The following SGCG variants were observed in gnomAD, a reference collection of about 807,000 sequenced individuals.
SGCG encodes gamma-sarcoglycan.
In SGCG, 26 loss-of-function variants were observed where a neutral mutation model predicts 29.3. That is an observed-to-expected ratio of 0.89 (90% CI 0.65 to 1.23). SGCG has a LOEUF of 1.23. Among genes scored for constraint, SGCG ranks in the 50% most tolerant of loss-of-function variants. The pLI is 0.00. For missense variants in SGCG, 353 were observed against 356.0 expected (o/e 0.99, Z 0.07); for synonymous variants, 145 against 129.7 (o/e 1.12, Z -0.80).
chr13:23,189,685 A>C (rs1378541292), intron 1 of SGCG, among the ~76,000 whole-genome samples: 3 of 152,156 alleles, frequency 2.0e-5, no homozygotes, highest in Non-Finnish European at 4.4e-5. Context: ...AACAGAGAAA[A>C]CTATCACCTT....
At chr13:23,190,273 TTGATA>T (rs749354596) in intron 1 of SGCG, among the ~76,000 whole-genome samples, 5 of 152,156 alleles carry the variant, frequency 3.3e-5, no homozygotes, top group Admixed American at 6.5e-5. Context: ...TTCTTCTGAC[TTGATA>T]TGAGTAACGT....
chr13:23,194,019 C>T (rs1877387687), intron 1 of SGCG, among the ~76,000 whole-genome samples: 1 of 151,766 alleles, frequency 6.6e-6, no homozygotes, highest in Admixed American at 6.6e-5. Context: ...CCAACCATTT[C>T]AAATAAAATG....
intron 5 of SGCG, among the ~76,000 whole-genome samples, chr13:23,292,411 C>T (rs188931648): frequency 4.6e-5 from 7 of 152,130 alleles, no homozygotes; most frequent in African/African-American, 1.7e-4. Flanking sequence ...CGCCCACCGA[C>T]GTTTCTCTTT....
chr13:23,288,573 T>C (rs1881588773), intron 5 of SGCG, among the ~76,000 whole-genome samples: 1 of 152,222 alleles, frequency 6.6e-6, no homozygotes, highest in Non-Finnish European at 1.5e-5. Context: ...ATGGAAGCGA[T>C]TAAACAATTT....
chr13:23,257,632 C>T (rs1880250091), intron 4 of SGCG, among the ~76,000 whole-genome samples: 1 of 152,148 alleles, frequency 6.6e-6, no homozygotes, highest in Non-Finnish European at 1.5e-5. Context: ...ATGCCTATGT[C>T]CTGAATGTTA....
intron 6 of SGCG, among the ~76,000 whole-genome samples, chr13:23,317,469 C>T (rs1012218551): frequency 6.6e-6 from 1 of 152,124 alleles, no homozygotes; most frequent in African/African-American, 2.4e-5. Context: ...AGAAGGTAGT[C>T]ATCAATACCA....
At chr13:23,282,170 T>C (rs889950112) in intron 5 of SGCG, among the ~76,000 whole-genome samples, 1 of 152,152 alleles carries the variant, frequency 6.6e-6, no homozygotes, top group African/African-American at 2.4e-5. Flanking sequence ...CCATAACTCT[T>C]CTCAATTTTC....
At chr13:23,279,126 A>T (rs1380214977) in intron 4 of SGCG, among the ~76,000 whole-genome samples, 2 of 152,252 alleles carry the variant, frequency 1.3e-5, no homozygotes, top group Non-Finnish European at 2.9e-5. Flanking sequence ...ATGTATTTGT[A>T]CATATATTGA....
intron 4 of SGCG, among the ~76,000 whole-genome samples, chr13:23,256,534 C>A (rs1880186322): frequency 6.6e-6 from 1 of 152,058 alleles, no homozygotes; most frequent in Non-Finnish European, 1.5e-5. Flanking sequence ...CCCCATTCCC[C>A]CACCCCACGA....
At chr13:23,180,396 A>C (rs1191002127), upstream of SGCG, among the ~76,000 whole-genome samples, 2 of 152,166 alleles carry the variant, frequency 1.3e-5, no homozygotes, top group African/African-American at 4.8e-5. Context: ...TAACATGCAG[A>C]GTTTGTTTAC....
chr13:23,211,855 T>C (rs1158515537), intron 2 of SGCG, among the ~76,000 whole-genome samples: 2 of 152,158 alleles, frequency 1.3e-5, no homozygotes, highest in African/African-American at 4.8e-5. Context: ...TACAGTCACA[T>C]CATTATGGTT....
At chr13:23,310,909 C>T (rs1223513312) in intron 6 of SGCG, among the ~76,000 whole-genome samples, 1 of 152,156 alleles carries the variant, frequency 6.6e-6, no homozygotes, top group African/African-American at 2.4e-5. Context: ...GGTTTTATTT[C>T]AGCATTGCTT....
intron 4 of SGCG, among the ~76,000 whole-genome samples, chr13:23,262,972 A>G (rs959366562): frequency 6.6e-6 from 1 of 152,046 alleles, no homozygotes; most frequent in Non-Finnish European, 1.5e-5. Context: ...GAGTGAGTCA[A>G]CTTATCAGAA....
At chr13:23,286,620 A>G (rs920413147) in intron 5 of SGCG, among the ~76,000 whole-genome samples, 3 of 152,228 alleles carry the variant, frequency 2.0e-5, no homozygotes, top group African/African-American at 7.2e-5. Context: ...TCTTATACAT[A>G]CATACTGTGA....
At chr13:23,317,635 T>C (rs1373762634) in intron 6 of SGCG, among the ~76,000 whole-genome samples, 1 of 152,228 alleles carries the variant, frequency 6.6e-6, no homozygotes, top group African/African-American at 2.4e-5. Flanking sequence ...ATTTATTGAC[T>C]TCATAGCAGC....
chr13:23,270,096 C>A (rs867002123), intron 4 of SGCG, among the ~76,000 whole-genome samples: 2 of 151,900 alleles, frequency 1.3e-5, no homozygotes, highest in Non-Finnish European at 2.9e-5. Context: ...GGATGGTCTC[C>A]ATCTCTTGAC....
At chr13:23,258,889 G>A (rs1163503549) in intron 4 of SGCG, among the ~76,000 whole-genome samples, 1 of 151,986 alleles carries the variant, frequency 6.6e-6, no homozygotes, top group Non-Finnish European at 1.5e-5. Context: ...GCATCCCAGG[G>A]ATGAAACCAA....
At chr13:23,323,889 A>G (rs970547237) in intron 7 of SGCG, among the ~76,000 whole-genome samples, 3 of 152,226 alleles carry the variant, frequency 2.0e-5, no homozygotes, top group Non-Finnish European at 4.4e-5. Flanking sequence ...ATCTATTCTA[A>G]TGGATTGTAC....
chr13:23,187,132 A>G (rs1193272138), intron 1 of SGCG, among the ~76,000 whole-genome samples: 1 of 152,096 alleles, frequency 6.6e-6, no homozygotes, highest in Non-Finnish European at 1.5e-5. Flanking sequence ...CCCTGCCACC[A>G]TTCTGGGCTG....
Sources: allele counts gnomAD v4.1 joint callset (sites outside exome capture counted in the v4.1 genomes callset), GRCh38; gene constraint gnomAD v4.1.1; transcripts MANE v1.5; gene names NCBI Gene and HGNC (gene_info 2026-07-23, HGNC 2026-07-21).